The following GRAMD2B variants were observed in gnomAD, a reference collection of about 807,000 sequenced individuals.
GRAMD2B encodes GRAM domain-containing protein 2B.
In GRAMD2B, 41 loss-of-function variants were observed where a neutral mutation model predicts 59.2. The observed-to-expected ratio is 0.69, with a 90% CI of 0.54 to 0.90. The LOEUF is 0.90. Among genes scored for constraint, GRAMD2B ranks in the 40% least tolerant of loss-of-function variants. The pLI is 0.00. For synonymous variants in GRAMD2B, 161 were observed against 182.7 expected (o/e 0.88, Z 0.96); for missense variants, 424 against 500.5 (o/e 0.85, Z 1.46).
intron 1 of GRAMD2B, among the ~76,000 whole-genome samples, chr5:126,459,255 T>C (rs1441265818): frequency 2.0e-5 from 3 of 152,228 alleles, no homozygotes; most frequent in African/African-American, 7.2e-5. Flanking sequence ...TTTATTTTAA[T>C]GTCATGCCAG....
chr5:126,437,370 G>A (rs1388638427), intron 1 of GRAMD2B, among the ~76,000 whole-genome samples: 5 of 152,308 alleles, frequency 3.3e-5, no homozygotes, highest in East Asian at 1.9e-4. Flanking sequence ...GAAAGGCTGC[G>A]TGGATTATGA....
At chr5:126,437,707 A>C (rs1399500009) in intron 1 of GRAMD2B, among the ~76,000 whole-genome samples, 1 of 152,240 alleles carries the variant, frequency 6.6e-6, no homozygotes, top group Non-Finnish European at 1.5e-5. Context: ...ATCATGAAAA[A>C]ACAAACAAGG....
chr5:126,473,202 A>G (rs1769955143), intron 4 of GRAMD2B, 63 bp from the exon 5 acceptor site: 1 of 590,800 alleles, frequency 1.7e-6, no homozygotes, highest in East Asian at 3.0e-5. Context: ...ACCAAAATAT[A>G]TACACGGTTT....
In GRAMD2B at chr5:126,494,032, T is replaced by C. The variant is rs1214235328; in HGVS notation, c.*1076T>C. On this transcript the variant is annotated 3_prime_UTR_variant, in exon 14 of 14. Coordinates refer to ENST00000285689, the MANE Select transcript of GRAMD2B (RefSeq NM_023927.4). ...ATTTGATAATCATTTCTATGAAATG[T>C]ATTTTATTTAATCAGATAAGCTAAT... 1.3e-5 allele frequency: 2 copies of C among 152,672 alleles called. No homozygotes were observed. The highest frequency in any genetic ancestry group is 4.8e-5 in the African/African-American group (2 of 41,462). The allele number at this position is 152,672 out of a possible 1,614,324, so 9.5% of individuals were successfully genotyped here. A position where few individuals can be genotyped will look rare whatever the true frequency, so the allele number is the denominator to read the frequency against.
chr5:126,374,445 T>A (rs1755018282), intron 1 of GRAMD2B, among the ~76,000 whole-genome samples: 1 of 152,220 alleles, frequency 6.6e-6, no homozygotes, highest in African/African-American at 2.4e-5. Context: ...GATAGTTTTT[T>A]AAAATACTCC....
At chr5:126,366,864 T>C (rs1252661925), upstream of GRAMD2B, among the ~76,000 whole-genome samples, 6 of 149,046 alleles carry the variant, frequency 4.0e-5, no homozygotes, top group East Asian at 2.0e-4. Flanking sequence ...TTTTTTTTTT[T>C]TTCTTTTTGA....
intron 5 of GRAMD2B, among the ~76,000 whole-genome samples, chr5:126,474,726 C>A (rs1181626891): frequency 6.6e-6 from 1 of 152,220 alleles, no homozygotes; most frequent in Non-Finnish European, 1.5e-5. Flanking sequence ...AGTGCACTTT[C>A]AAGCTAATCT....
intron 12 of GRAMD2B, among the ~76,000 whole-genome samples, chr5:126,487,300 T>C (rs188077176): frequency 1.3e-4 from 20 of 152,264 alleles, no homozygotes; most frequent in Non-Finnish European, 1.3e-4. Flanking sequence ...CTTAGTAAAA[T>C]GGCAATAAAT....
intron 10 of GRAMD2B, 110 bp downstream of exon 10, chr5:126,484,634 AG>A: frequency 1.8e-6 from 2 of 1,133,850 alleles, no homozygotes; most frequent in Non-Finnish European, 2.5e-6. Context: ...AGGCTGCTGT[AG>A]TGCAATAACA....
chr5:126,487,954 G>C (rs1348932883), intron 12 of GRAMD2B, among the ~76,000 whole-genome samples: 2 of 152,132 alleles, frequency 1.3e-5, no homozygotes, highest in Non-Finnish European at 2.9e-5. Flanking sequence ...GATATAGTAG[G>C]TCTGGGATGA....
intron 1 of GRAMD2B, among the ~76,000 whole-genome samples, chr5:126,403,761 C>A (rs1044058282): frequency 6.6e-6 from 1 of 151,866 alleles, no homozygotes; most frequent in Non-Finnish European, 1.5e-5. Flanking sequence ...GAAAGACTTA[C>A]GCAGAGGAAC....
chr5:126,380,369 G>C (rs955726250), intron 1 of GRAMD2B, among the ~76,000 whole-genome samples: 3 of 152,180 alleles, frequency 2.0e-5, no homozygotes, highest in African/African-American at 7.2e-5. Context: ...CTTTTGCTTA[G>C]TCTTGCTTTG....
chr5:126,423,819 C>T, intron 1 of GRAMD2B, 130 bp downstream of exon 1: 1 of 732,732 alleles, frequency 1.4e-6, no homozygotes. Context: ...GTGGCGCGCT[C>T]TCTCTGTCTC....
exon 1 of GRAMD2B, chr5:126,360,214 G>A (rs898304126): frequency 2.5e-6 from 3 of 1,217,852 alleles, no homozygotes; most frequent in Non-Finnish European, 3.4e-6. Flanking sequence ...GATAGCACTT[G>A]TGAGCGAAAA....
chr5:126,471,981 G>C (rs1405973949), intron 3 of GRAMD2B, among the ~76,000 whole-genome samples: 1 of 152,192 alleles, frequency 6.6e-6, no homozygotes, highest in Non-Finnish European at 1.5e-5. Flanking sequence ...GTCCAGCCCT[G>C]TTACCTCGGC....
chr5:126,461,341 T>C (rs890070936), intron 1 of GRAMD2B, among the ~76,000 whole-genome samples: 6 of 152,146 alleles, frequency 3.9e-5, no homozygotes, highest in Non-Finnish European at 8.8e-5. Context: ...TTCTGAAAAA[T>C]TGTGAAATGA....
upstream of GRAMD2B, among the ~76,000 whole-genome samples, chr5:126,421,377 C>T (rs796071602): frequency 7.2e-5 from 11 of 152,248 alleles, no homozygotes; most frequent in African/African-American, 2.6e-4. Context: ...AATTGACAAC[C>T]TCATCTCTGT....
intron 1 of GRAMD2B, among the ~76,000 whole-genome samples, chr5:126,388,053 C>T (rs954984674): frequency 6.6e-6 from 1 of 152,120 alleles, no homozygotes; most frequent in Non-Finnish European, 1.5e-5. Context: ...GAATCTGTCC[C>T]AGTTGCTACT....
chr5:126,371,972 G>A (rs896414678), intron 1 of GRAMD2B, among the ~76,000 whole-genome samples: 27 of 151,938 alleles, frequency 1.8e-4, no homozygotes, highest in African/African-American at 6.5e-4. Flanking sequence ...AAAATATTAA[G>A]ATAATTGCCT....
Sources: gnomAD v4.1 joint callset for allele counts (sites outside exome capture counted in the v4.1 genomes callset) on GRCh38, gnomAD v4.1.1 for gene constraint, MANE v1.5 for transcripts, NCBI Gene and HGNC (gene_info 2026-07-23, HGNC 2026-07-21) for gene names.